Variants in TAFA1 observed in about 807,000 individuals in gnomAD.
TAFA1 encodes chemokine-like protein TAFA-1.
Under a neutral mutation model 18.5 loss-of-function variants are expected in TAFA1, and 4 were observed. That is an observed-to-expected ratio of 0.22 (90% CI 0.11 to 0.49). The LOEUF (loss-of-function observed/expected upper bound fraction) is 0.49. TAFA1 is among the 20% of genes least tolerant of loss of function. TAFA1 has a pLI of 0.98. For missense variants in TAFA1, 147 were observed against 169.0 expected, an observed-to-expected ratio of 0.87 and a Z score of 0.72; for synonymous variants, 56 against 55.2, an observed-to-expected ratio of 1.01 and a Z score of -0.06.
At chr3:68,211,521 C>A (rs1473078616) in intron 2 of TAFA1, among the ~76,000 whole-genome samples, 1 of 152,008 alleles carries the variant, frequency 6.6e-6, no homozygotes, top group Non-Finnish European at 1.5e-5. Flanking sequence ...TTGAGATAGA[C>A]AGAATGACAG....
At chr3:68,030,574 TC>T (rs1704911309) in intron 2 of TAFA1, among the ~76,000 whole-genome samples, 1 of 152,168 alleles carries the variant, frequency 6.6e-6, no homozygotes, top group African/African-American at 2.4e-5. Context: ...TTCATCCATG[TC>T]CCTGCAAAGG....
chr3:68,136,795 G>GGATTCTCT (rs1169939122), intron 2 of TAFA1, among the ~76,000 whole-genome samples: 9 of 152,026 alleles, frequency 5.9e-5, no homozygotes, highest in Non-Finnish European at 1.2e-4. Flanking sequence ...TTTGTGCATT[G>GGATTCTCT]GATTCTCTCT....
At chr3:68,356,278 A>C (rs968732941) in intron 2 of TAFA1, among the ~76,000 whole-genome samples, 2 of 151,882 alleles carry the variant, frequency 1.3e-5, no homozygotes, top group Admixed American at 6.6e-5. Flanking sequence ...CAGGAAAAGC[A>C]CTGTCCCTCA....
chr3:68,129,109 T>A (rs1447832918), intron 2 of TAFA1, among the ~76,000 whole-genome samples: 2 of 152,182 alleles, frequency 1.3e-5, no homozygotes, highest in Non-Finnish European at 2.9e-5. Flanking sequence ...TCATGACAAA[T>A]CTAAGGGCGA....
At chr3:68,041,126 C>T (rs1705155607) in intron 2 of TAFA1, among the ~76,000 whole-genome samples, 1 of 152,200 alleles carries the variant, frequency 6.6e-6, no homozygotes, top group Non-Finnish European at 1.5e-5. Context: ...AAGGCATGTG[C>T]CTTGCTGTAA....
chr3:68,402,053 T>A (rs2070504280), intron 2 of TAFA1, among the ~76,000 whole-genome samples: 1 of 152,202 alleles, frequency 6.6e-6, no homozygotes, highest in African/African-American at 2.4e-5. Context: ...CATTCTACAT[T>A]CTTGGCATGT....
At chr3:68,317,803 GA>G (rs1313235390) in intron 2 of TAFA1, among the ~76,000 whole-genome samples, 9 of 152,200 alleles carry the variant, frequency 5.9e-5, no homozygotes, top group Admixed American at 5.9e-4. Context: ...CTCTCTTCTG[GA>G]TCTGTCGAGG....
At chr3:68,039,596 A>G (rs958793035) in intron 2 of TAFA1, among the ~76,000 whole-genome samples, 3 of 152,208 alleles carry the variant, frequency 2.0e-5, no homozygotes, top group Non-Finnish European at 2.9e-5. Context: ...TAGATCTCCT[A>G]TGATAGACAA....
intron 2 of TAFA1, among the ~76,000 whole-genome samples, chr3:68,392,006 A>G (rs1330898285): frequency 6.6e-6 from 1 of 152,174 alleles, no homozygotes; most frequent in African/African-American, 2.4e-5. Context: ...TTCACACATA[A>G]CAATACTAAC....
intron 2 of TAFA1, among the ~76,000 whole-genome samples, chr3:68,017,239 A>G (rs1704589129): frequency 6.6e-6 from 1 of 152,212 alleles, no homozygotes; most frequent in African/African-American, 2.4e-5. Flanking sequence ...ACATCTCTTT[A>G]TCTGATGAAC....
intron 3 of TAFA1, among the ~76,000 whole-genome samples, chr3:68,442,741 A>C (rs1289202627): frequency 6.6e-6 from 1 of 152,130 alleles, no homozygotes; most frequent in Non-Finnish European, 1.5e-5. Context: ...AGCCATCAGC[A>C]CTCAACTAGT....
intron 3 of TAFA1, among the ~76,000 whole-genome samples, chr3:68,486,490 C>T (rs1487875835): frequency 6.6e-6 from 1 of 152,124 alleles, no homozygotes; most frequent in Non-Finnish European, 1.5e-5. Flanking sequence ...TGAACACAAA[C>T]AGAAATGGGT....
intron 3 of TAFA1, among the ~76,000 whole-genome samples, chr3:68,423,521 A>C (rs2070997612): frequency 6.6e-6 from 1 of 152,142 alleles, no homozygotes; most frequent in African/African-American, 2.4e-5. Flanking sequence ...GAGGGAAGTA[A>C]AACCAACCAT....
At chr3:68,447,843 C>T (rs1385218804) in intron 3 of TAFA1, among the ~76,000 whole-genome samples, 2 of 152,152 alleles carry the variant, frequency 1.3e-5, no homozygotes, top group Non-Finnish European at 2.9e-5. Flanking sequence ...GGAAAGAATG[C>T]TGTAAGCAGT....
chr3:68,516,773 A>C (rs2072926407), intron 3 of TAFA1, among the ~76,000 whole-genome samples: 2 of 151,980 alleles, frequency 1.3e-5, no homozygotes, highest in Admixed American at 6.6e-5. Context: ...GAGTAAATAA[A>C]TTGTTCCTTC....
chr3:68,490,372 A>G (rs2072428553), intron 3 of TAFA1, among the ~76,000 whole-genome samples: 1 of 151,804 alleles, frequency 6.6e-6, no homozygotes, highest in Non-Finnish European at 1.5e-5. Context: ...AATTTTAAGA[A>G]ACTACTATAT....
intron 2 of TAFA1, among the ~76,000 whole-genome samples, chr3:68,320,694 C>T (rs572784431): frequency 6.6e-6 from 1 of 152,292 alleles, no homozygotes; most frequent in African/African-American, 2.4e-5. Flanking sequence ...CAAAGCTCTT[C>T]TGTCACCTCT....
At chr3:67,994,769 G>A in the TAFA1 span, among the ~76,000 whole-genome samples, 2 of 152,220 alleles carry the variant, frequency 1.3e-5, no homozygotes, top group Admixed American at 1.3e-4. Context: ...TCTTAGACAA[G>A]TGAGGAAATG....
intron 2 of TAFA1, among the ~76,000 whole-genome samples, chr3:68,206,017 G>A (rs144494212): frequency 2.0e-5 from 3 of 151,852 alleles, no homozygotes; most frequent in Middle Eastern, 3.4e-3. Flanking sequence ...TTCCTTTATC[G>A]TTCCATGTGT....
Sources: gnomAD v4.1 joint callset for allele counts (sites outside exome capture counted in the v4.1 genomes callset) on GRCh38, gnomAD v4.1.1 for gene constraint, MANE v1.5 for transcripts, NCBI Gene and HGNC (gene_info 2026-07-23, HGNC 2026-07-21) for gene names.